Variants in NUCB1 observed in about 807,000 individuals in gnomAD.
The protein encoded by NUCB1 is nucleobindin 1.
In NUCB1, 47 loss-of-function variants were observed where a neutral mutation model predicts 61.2. The observed-to-expected ratio is 0.77, with a 90% CI of 0.61 to 0.98. The LOEUF (loss-of-function observed/expected upper bound fraction) is 0.98, where lower values mean the gene tolerates loss of function less well. NUCB1 is among the 50% of genes least tolerant of loss of function. The pLI is 0.00. For missense variants in NUCB1, 583 were observed against 605.3 expected (o/e 0.96, Z 0.39); for synonymous variants, 234 against 243.1 (o/e 0.96, Z 0.35).
chr19:48,918,019 TC>T (rs2037560936), intron 7 of NUCB1, among the ~76,000 whole-genome samples: 1 of 151,908 alleles, frequency 6.6e-6, no homozygotes, highest in East Asian at 1.9e-4. Context: ...ACAGCGCAGA[TC>T]CAGAGTTTAG....
At chr19:48,919,421 T>G in intron 10 of NUCB1, 135 bp downstream of exon 10, 1 of 558,994 alleles carries the variant, frequency 1.8e-6, no homozygotes, top group Non-Finnish European at 3.2e-6. Context: ...TCTCTATCTC[T>G]GGGTCTCTGT....
At chr19:48,920,807 G>C (rs147101167) in intron 10 of NUCB1, among the ~76,000 whole-genome samples, 1 of 152,252 alleles carries the variant, frequency 6.6e-6, no homozygotes, top group Non-Finnish European at 1.5e-5. Flanking sequence ...ACAGGTGTGA[G>C]CCATGGTGCC....
intron 4 of NUCB1, among the ~76,000 whole-genome samples, chr19:48,908,482 C>T (rs1018527645): frequency 9.9e-5 from 15 of 152,124 alleles, no homozygotes; most frequent in Non-Finnish European, 1.8e-4. Context: ...CCATAGCGGC[C>T]GGCGCTGGGT....
intron 4 of NUCB1, among the ~76,000 whole-genome samples, chr19:48,907,375 A>G (rs562642481): frequency 1.1e-3 from 170 of 148,094 alleles, no homozygotes; most frequent in Middle Eastern, 7.4e-3. Context: ...TCCTGGGTTC[A>G]AGCAATTCTC....
At position 48,922,447 on chromosome 19, in the gene NUCB1, G is replaced by A. The variant is rs1568590023; in HGVS notation, c.*23G>A. On this transcript the variant is annotated 3_prime_UTR_variant, in exon 13 of 13. Transcript: ENST00000405315. Reference sequence around the variant, plus strand: ...TGATCCTCCGGGACCCCAGCCCTCAGGATTCCTGATGCTCCAAGGCGACTG... The same window carrying A: ...TGATCCTCCGGGACCCCAGCCCTCAAGATTCCTGATGCTCCAAGGCGACTG... 1 of 1,584,596 alleles carries A rather than the reference G, an allele frequency of 6.3e-7. No individual in the cohort carries two copies. The highest frequency in any genetic ancestry group is 2.2e-5 in the East Asian group (1 of 44,730).
In NUCB1 at chr19:48,923,027, C is replaced by T. The variant is rs1238967835; in HGVS notation, c.*603C>T. The T allele has an allele frequency of 2.6e-5, 4 of 153,210 alleles. No individual in the cohort carries two copies. The highest frequency in any genetic ancestry group is 9.6e-5 in the African/African-American group (4 of 41,488). The allele number at this position is 153,210 out of a possible 1,614,324, so 9.5% of individuals were successfully genotyped here. A position where few individuals can be genotyped will look rare whatever the true frequency, so the allele number is the denominator to read the frequency against. On this transcript the variant is annotated 3_prime_UTR_variant, in exon 13 of 13. Coordinates refer to ENST00000405315, the MANE Select transcript of NUCB1 (RefSeq NM_006184.6). ...AGCCTGGGCCTCCCTGAACCCCTGG[C>T]TTCCAGCCATCTCATCGCCAGCCTC...
rs1034979569 is a variant in NUCB1, at chr19:48,921,234, G to A, written c.1083G>A (p.Leu361=). Residue 361 remains leucine, a synonymous_variant, in exon 11 of 13, where the codon CTG becomes CTA. Coordinates refer to ENST00000405315, the MANE Select transcript of NUCB1 (RefSeq NM_006184.6). The part of the protein sequence containing the change: ...EEELAAREAE[L]NAKAQRLSQE... ...AGCTGGCTGCCCGGGAGGCAGAGCT[G>A]AATGCCAAGGCCCAGCGCCTCAGCC... 1.1e-5 allele frequency: 18 copies of A among 1,612,966 alleles called. No individual in the cohort carries two copies. Among genetic ancestry groups the A allele is most frequent in the Non-Finnish European group, 1.5e-5 (18 of 1,179,816 alleles).
At chr19:48,906,802 C>A (rs1036840001) in intron 4 of NUCB1, among the ~76,000 whole-genome samples, 4 of 152,060 alleles carry the variant, frequency 2.6e-5, no homozygotes, top group Admixed American at 6.6e-5. Flanking sequence ...CACCCCTGAC[C>A]TGGCTTCTCT....
At chr19:48,902,264 C>A (rs1056368409) in intron 2 of NUCB1, among the ~76,000 whole-genome samples, 8 of 152,076 alleles carry the variant, frequency 5.3e-5, no homozygotes, top group African/African-American at 1.9e-4. Flanking sequence ...GCGCACACCA[C>A]CACGCCCATC....
Position 48,922,403 on chromosome 19 carries a change from T to C in NUCB1, c.1365T>C (p.Val455=), listed in dbSNP as rs1371101579. ...EKKLLERLPE[V]EVPQHL The stretch of plus-strand genomic sequence containing the variant: ...AACTTCTCGAGCGGCTCCCTGAGGT[T>C]GAGGTGCCCCAGCATCTGTGATCCT... The change falls in exon 13 of 13, where the codon GTT becomes GTC. Residue 455 remains valine (V), a synonymous_variant. Transcript: ENST00000405315. 2.5e-6 allele frequency: 4 copies of C among 1,613,724 alleles called. No individual in the cohort carries two copies. The highest frequency in any genetic ancestry group is 3.4e-6 in the Non-Finnish European group (4 of 1,179,734).
Position 48,921,184 on chromosome 19 carries a change from G to A in NUCB1, c.1033G>A (p.Glu345Lys). ...TVEMHPAYTE[E>K]ELRRFEEELA... is the part of the protein sequence containing the mutation. ...GGAGATGCACCCTGCCTACACCGAG[G>A]AAGAGCTGAGGCGCTTTGAAGAGGA... Residue 345 changes from glutamate to lysine, a missense_variant, in exon 11 of 13, where the codon GAA becomes AAA. Physicochemically the swap from Glu to Lys is moderately conservative, Grantham distance 56 (BLOSUM62 1). Coordinates refer to ENST00000405315, the MANE Select transcript of NUCB1 (RefSeq NM_006184.6). The A allele has an allele frequency of 6.2e-7, 1 of 1,612,818 alleles. No individual in the cohort carries two copies. The highest frequency in any genetic ancestry group is 1.1e-5 in the South Asian group (1 of 91,040).
At chr19:48,906,702 G>A (rs768073359) in intron 4 of NUCB1, among the ~76,000 whole-genome samples, 18 of 151,640 alleles carry the variant, frequency 1.2e-4, no homozygotes, top group Non-Finnish European at 2.1e-4. Context: ...CAGCCTGGGC[G>A]ACAGAACAAG....
At chr19:48,903,482 A>C in intron 2 of NUCB1, among the ~76,000 whole-genome samples, 1 of 107,834 alleles carries the variant, frequency 9.3e-6, no homozygotes, top group South Asian at 3.5e-4. Flanking sequence ...GGGTGGATGG[A>C]TGGGCGGGTG....
At chr19:48,901,076 A>G (rs981960550) in intron 2 of NUCB1, 145 bp downstream of exon 2, 4 of 968,368 alleles carry the variant, frequency 4.1e-6, no homozygotes, top group Non-Finnish European at 6.5e-6. Context: ...TCCTCCCAGC[A>G]GCAGGGGTTT....
Position 48,905,816 on chromosome 19 carries a change from C to CA in NUCB1, c.307_308insA (p.Leu103HisfsTer37). The stretch of plus-strand genomic sequence containing the variant: ...CCACGTCCGCACCAAGCTGGATGAG[C>CA]TCAAGCGACAGGAGGTGTCACGGCT... On this transcript the variant is annotated frameshift_variant, in exon 4 of 13. Transcript: ENST00000405315. LOFTEE classifies it high-confidence loss of function. 1 of 1,613,164 alleles carries CA rather than the reference C, an allele frequency of 6.2e-7. No individual in the cohort carries two copies. The highest frequency in any genetic ancestry group is 8.5e-7 in the Non-Finnish European group (1 of 1,179,510).
intron 5 of NUCB1, 127 bp downstream of exon 5, chr19:48,911,379 G>A (rs1379317035): frequency 4.8e-6 from 3 of 629,082 alleles, no homozygotes; most frequent in Non-Finnish European, 8.5e-6. Flanking sequence ...GAGGCTGGTA[G>A]AGGGCTGAGT....
chr19:48,916,502 C>G (rs1315613954), intron 7 of NUCB1, among the ~76,000 whole-genome samples: 5 of 152,034 alleles, frequency 3.3e-5, no homozygotes, highest in Admixed American at 6.6e-5. Context: ...CATCTGTAGT[C>G]CCAGCTCCTT....
intron 4 of NUCB1, among the ~76,000 whole-genome samples, chr19:48,907,255 G>C (rs888067598): frequency 2.0e-5 from 3 of 148,358 alleles, no homozygotes; most frequent in African/African-American, 7.4e-5. Flanking sequence ...TTACAGGTGT[G>C]AGCCACCGCG....
chr19:48,919,565 C>T (rs1382836001), intron 10 of NUCB1, among the ~76,000 whole-genome samples: 1 of 151,604 alleles, frequency 6.6e-6, no homozygotes, highest in Non-Finnish European at 1.5e-5. Flanking sequence ...GCAGCCTCCA[C>T]CTCCCAGGTT....
Sources: gnomAD v4.1 joint callset for allele counts (sites outside exome capture counted in the v4.1 genomes callset) on GRCh38, gnomAD v4.1.1 for gene constraint, MANE v1.5 for transcripts, NCBI Gene and HGNC (gene_info 2026-07-23, HGNC 2026-07-21) for gene names.